The following GULP1 variants were observed in gnomAD, a reference collection of about 807,000 sequenced individuals.
GULP1 encodes PTB domain-containing engulfment adapter protein 1.
In GULP1, 19 loss-of-function variants were observed where a neutral mutation model predicts 40.9. The observed-to-expected ratio is 0.46, with a 90% CI of 0.32 to 0.68. The LOEUF (loss-of-function observed/expected upper bound fraction) is 0.68, where lower values mean the gene tolerates loss of function less well. Among genes scored for constraint, GULP1 ranks in the 30% least tolerant of loss-of-function variants. The probability of loss-of-function intolerance (pLI) is 0.03; values close to 1 mark genes in which losing one functional copy is unlikely to be tolerated. For synonymous variants in GULP1, 119 were observed against 117.6 expected, an observed-to-expected ratio of 1.01 and a Z score of -0.08; for missense variants, 312 against 362.2, an observed-to-expected ratio of 0.86 and a Z score of 1.12.
intron 1 of GULP1, among the ~76,000 whole-genome samples, chr2:188,308,271 G>A (rs2037478429): frequency 6.6e-6 from 1 of 152,046 alleles, no homozygotes; most frequent in African/African-American, 2.4e-5. Context: ...TTTAGGTTTG[G>A]TATTTTAAAT....
At chr2:188,566,932 T>G (rs1697853707) in intron 7 of GULP1, among the ~76,000 whole-genome samples, 1 of 151,074 alleles carries the variant, frequency 6.6e-6, no homozygotes, top group African/African-American at 2.4e-5. Context: ...TAAACTTATT[T>G]ATAAGAAAAA....
chr2:188,584,190 A>G lies in GULP1; in HGVS notation c.610-75A>G, dbSNP rs1283436180. On this transcript the variant is annotated intron_variant, in intron 9 of 11. Transcript: ENST00000409830. ...TGAAATTGTTGTTTACATATATTTT[A>G]TATGCATATGAAATATTTAGCATTA... 6 of 957,502 alleles carry G rather than the reference A, an allele frequency of 6.3e-6. No individual in the cohort carries two copies. The African/African-American group carries it at 6.6e-5, about 10-fold the overall frequency. The allele number at this position is 957,502 out of a possible 1,614,324, so 59.3% of individuals were successfully genotyped here.
At chr2:188,593,576 C>G (rs370127608) in intron 11 of GULP1, 1 of 153,852 alleles carries the variant, frequency 6.5e-6, no homozygotes, top group Non-Finnish European at 1.4e-5. Context: ...TGAAGCCTAA[C>G]TATCTTAATA....
At chr2:188,485,398 G>T (rs2061778816) in intron 4 of GULP1, among the ~76,000 whole-genome samples, 1 of 151,938 alleles carries the variant, frequency 6.6e-6, no homozygotes, top group Non-Finnish European at 1.5e-5. Context: ...CTATAATATG[G>T]CCTCATGAGT....
At chr2:188,591,021 G>A (rs187159061) in intron 11 of GULP1, 79 of 152,006 alleles carry the variant, frequency 5.2e-4, no homozygotes, top group African/African-American at 1.8e-3. Context: ...CGGACATATA[G>A]TATCCAATTT....
chr2:188,593,694 T>C (rs1704035909), intron 11 of GULP1: 1 of 287,818 alleles, frequency 3.5e-6, no homozygotes, highest in Admixed American at 5.0e-5. Context: ...ATTTTATGTT[T>C]TCTCTTCTGT....
chr2:188,462,336 A>T (rs2152968016), intron 2 of GULP1, among the ~76,000 whole-genome samples: 1 of 152,246 alleles, frequency 6.6e-6, no homozygotes, highest in African/African-American at 2.4e-5. Flanking sequence ...TTGTTTTGTG[A>T]CCTAACATAT....
At chr2:188,506,575 T>C (rs2063941366) in intron 4 of GULP1, among the ~76,000 whole-genome samples, 1 of 151,958 alleles carries the variant, frequency 6.6e-6, no homozygotes, top group African/African-American at 2.4e-5. Flanking sequence ...CAAGAAATCC[T>C]CAGAAATATC....
intron 9 of GULP1, chr2:188,582,316 T>G (rs1277424623): frequency 8.5e-6 from 4 of 468,886 alleles, no homozygotes; most frequent in Non-Finnish European, 1.8e-5. Flanking sequence ...CTTAGGATAT[T>G]TCTTTTTCTG....
rs1048083052 is a variant in GULP1, at chr2:188,418,125, A to T, written c.-45+34236A>T. Among the ~76,000 whole-genome samples the T allele has an allele frequency of 5.9e-5, 9 of 152,036 alleles. No homozygotes were observed. In the East Asian group the frequency reaches 9.7e-4, roughly 16 times the overall value. On this transcript the variant is annotated intron_variant, in intron 2 of 11. Coordinates refer to ENST00000409830, the MANE Select transcript of GULP1 (RefSeq NM_016315.4). ...CACCACATACAGTCTGTTTTTATTT[A>T]AAAAAAATTAAATTGAGGACTTGAA...
intron 1 of GULP1, among the ~76,000 whole-genome samples, chr2:188,369,359 G>T (rs1326292049): frequency 6.6e-6 from 1 of 151,054 alleles, no homozygotes; most frequent in Non-Finnish European, 1.5e-5. Context: ...AGACCAGACA[G>T]AAAAGATTAT....
intron 9 of GULP1, among the ~76,000 whole-genome samples, chr2:188,582,963 A>G (rs1025601338): frequency 6.6e-6 from 1 of 152,214 alleles, no homozygotes; most frequent in East Asian, 1.9e-4. Flanking sequence ...TTGAAGGAAA[A>G]AGAAAAACAG....
intron 9 of GULP1, among the ~76,000 whole-genome samples, chr2:188,578,747 G>T (rs1700671075): frequency 6.6e-6 from 1 of 152,020 alleles, no homozygotes; most frequent in South Asian, 2.1e-4. Context: ...TAAAGCAGTT[G>T]CTTGAACAGT....
intron 2 of GULP1, among the ~76,000 whole-genome samples, chr2:188,397,738 G>A (rs558027151): frequency 6.6e-6 from 1 of 152,306 alleles, no homozygotes; most frequent in Admixed American, 6.5e-5. Context: ...TACAACTGCA[G>A]TCATTCACAG....
intron 2 of GULP1, chr2:188,466,387 C>G (rs1384166816): frequency 1.3e-5 from 2 of 151,840 alleles, no homozygotes; most frequent in African/African-American, 2.4e-5. Flanking sequence ...ACACCACTCT[C>G]CTGCCTCAGT....
chr2:188,464,080 A>T lies in GULP1; in HGVS notation c.-44-13579A>T, dbSNP rs144404877. 9.1e-4 allele frequency among the ~76,000 whole-genome samples: 139 copies of T among 152,142 alleles called. 2 individuals are homozygous for T. The East Asian group carries it at 0.022, about 24-fold the overall frequency. On this transcript the variant is annotated intron_variant, in intron 2 of 11. Transcript: ENST00000409830. ...GATCATCTTGATACTTGTAGATGTT[A>T]ATGTGTCTGGCCATTGAAGAGTTAG... is the stretch of plus-strand genomic sequence containing the variant.
intron 1 of GULP1, among the ~76,000 whole-genome samples, chr2:188,308,672 A>C (rs1421272688): frequency 2.6e-5 from 4 of 152,236 alleles, no homozygotes; most frequent in Non-Finnish European, 5.9e-5. Flanking sequence ...ACTGAGGTGC[A>C]GATAGACCTG....
At chr2:188,551,576 G>A (rs890408340) in intron 7 of GULP1, among the ~76,000 whole-genome samples, 2 of 151,386 alleles carry the variant, frequency 1.3e-5, no homozygotes, top group South Asian at 2.1e-4. Flanking sequence ...TTATCCATTG[G>A]CGGACATTTA....
chr2:188,444,084 G>A (rs931554329), intron 2 of GULP1, among the ~76,000 whole-genome samples: 3 of 151,976 alleles, frequency 2.0e-5, no homozygotes, highest in Admixed American at 2.0e-4. Flanking sequence ...TGTATTACCT[G>A]CATCCCAGAC....
Sources: allele counts gnomAD v4.1 joint callset (sites outside exome capture counted in the v4.1 genomes callset), GRCh38; gene constraint gnomAD v4.1.1; transcripts MANE v1.5; gene names NCBI Gene and HGNC (gene_info 2026-07-23, HGNC 2026-07-21).